The following CNTD1 variants were observed in gnomAD, a reference collection of about 807,000 sequenced individuals.
CNTD1 encodes the protein cyclin N-terminal domain containing 1.
Under a neutral mutation model 36.3 loss-of-function variants are expected in CNTD1, and 17 were observed. That is an observed-to-expected ratio of 0.47 (90% CI 0.32 to 0.70). The LOEUF is 0.70. CNTD1 is among the 30% of genes least tolerant of loss of function. CNTD1 has a pLI of 0.03. For synonymous variants in CNTD1, 128 were observed against 153.3 expected, an observed-to-expected ratio of 0.83 and a Z score of 1.22; for missense variants, 338 against 386.1, an observed-to-expected ratio of 0.88 and a Z score of 1.04.
Position 42,811,571 on chromosome 17 carries a change from C to G in CNTD1, c.*2036C>G. On this transcript the variant is annotated 3_prime_UTR_variant, in exon 7 of 7. Transcript: ENST00000588408. ...TTTTTTTGCTTTCCCACCATTTATA[C>G]TGTTTTGCCTCCATTATTACTGCTG... The G allele has an allele frequency of 6.6e-7, 1 of 1,520,652 alleles. No homozygotes were observed. Among genetic ancestry groups the G allele is most frequent in the Non-Finnish European group, 8.8e-7 (1 of 1,130,488 alleles). 94.2% of individuals were successfully genotyped at this position (1,520,652 alleles called of 1,614,324 possible).
At chr17:42,801,510 A>AAAAATAT (rs1289580717) in intron 1 of CNTD1, among the ~76,000 whole-genome samples, 13 of 54,354 alleles carry the variant, frequency 2.4e-4, no homozygotes, top group Non-Finnish European at 3.5e-4. Context: ...AAAAAAAAAA[A>AAAAATAT]ATATATATAT....
rs757267570 is a variant in CNTD1 at position 42,799,080 on chromosome 17, A to C, written c.13A>C (p.Met5Leu). MDGP[M>L]RPRSASLVDF... ...GAGGCTCGTGAATATGGACGGACCC[A>C]TGAGGCCACGATCGGCCTCCCTCGT... The change falls in exon 1 of 7, where the codon ATG becomes CTG. Residue 5 changes from methionine to leucine, a missense_variant. Coordinates refer to ENST00000588408, the MANE Select transcript of CNTD1 (RefSeq NM_173478.3). 13 of 1,613,824 alleles carry C rather than the reference A, an allele frequency of 8.1e-6. No homozygotes were observed. The highest frequency in any genetic ancestry group is 1.3e-5 in the African/African-American group (1 of 74,902).
Position 42,799,203 on chromosome 17 carries a change from C to T in CNTD1, c.136C>T (p.Arg46Trp), listed in dbSNP as rs766100218. Residue 46 changes from arginine (R) to tryptophan (W), a missense_variant, in exon 1 of 7, where the codon CGG (arginine) becomes TGG (tryptophan). Arg to Trp is a moderately radical substitution (Grantham distance 101). Transcript: ENST00000588408. The part of the protein sequence containing the change: ...NEQAVREASG[R>W]LGRFREPQIV... ...GCAAGCAGTGAGGGAGGCTTCGGGG[C>T]GGCTGGGCCGCTTCAGGGAGCCCCA... is the stretch of plus-strand genomic sequence containing the variant. 26 of 1,613,750 alleles carry T rather than the reference C, an allele frequency of 1.6e-5. No individual in the cohort carries two copies. The highest frequency in any genetic ancestry group is 6.6e-5 in the South Asian group (6 of 91,068).
At position 42,810,670 on chromosome 17, in the gene CNTD1, T is replaced by C; in HGVS notation, c.*1135T>C. 1.4e-6 allele frequency: 2 copies of C among 1,401,408 alleles called. No homozygotes were observed. Among genetic ancestry groups the C allele is most frequent in the Non-Finnish European group, 1.9e-6 (2 of 1,036,628 alleles). The allele number at this position is 1,401,408 out of a possible 1,614,324, so 86.8% of individuals were successfully genotyped here. A position where few individuals can be genotyped will look rare whatever the true frequency, so the allele number is the denominator to read the frequency against. ...TTTTTGGTATTGTAAACATGTACTG[T>C]TTAATATTACCCGAATTTAATTTAA... On this transcript the variant is annotated 3_prime_UTR_variant, in exon 7 of 7. Coordinates refer to ENST00000588408, the MANE Select transcript of CNTD1 (RefSeq NM_173478.3).
chr17:42,808,111 TA>T (rs1261607914), intron 6 of CNTD1, among the ~76,000 whole-genome samples: 1 of 152,180 alleles, frequency 6.6e-6, no homozygotes, highest in African/African-American at 2.4e-5. Flanking sequence ...GATAACCTGC[TA>T]TTATGTTAAA....
Position 42,810,914 on chromosome 17 carries a change from T to C in CNTD1, c.*1379T>C, listed in dbSNP as rs749899706. 6.2e-7 allele frequency: 1 copy of C among 1,609,980 alleles called. No individual in the cohort carries two copies. Among genetic ancestry groups the C allele is most frequent in the Non-Finnish European group, 8.5e-7 (1 of 1,178,350 alleles). On this transcript the variant is annotated 3_prime_UTR_variant, in exon 7 of 7. Coordinates refer to ENST00000588408, the MANE Select transcript of CNTD1 (RefSeq NM_173478.3). ...GCCTCCTGTGTCTTCAATCTTGCCTTTCTCCACATCCATCCTGCAGATGGA... is the reference window on the plus strand; with the variant it reads ...GCCTCCTGTGTCTTCAATCTTGCCTCTCTCCACATCCATCCTGCAGATGGA...
intron 1 of CNTD1, 30 bp from the exon 2 acceptor site, chr17:42,803,590 G>A: frequency 6.3e-6 from 10 of 1,596,336 alleles, no homozygotes; most frequent in Non-Finnish European, 8.6e-6. Flanking sequence ...TGCATCTTGT[G>A]AATTAGGCTC....
chr17:42,809,568 T>C lies in CNTD1; in HGVS notation c.*33T>C, dbSNP rs2054950165. ...TGAATCCACCAAATATAAACAGCCA[T>C]CCGTCACTGCACTCATGCCTCCCTC... On this transcript the variant is annotated 3_prime_UTR_variant, in exon 7 of 7. Transcript: ENST00000588408. The C allele has an allele frequency of 2.5e-6, 4 of 1,598,450 alleles. No homozygotes were observed. Among genetic ancestry groups the C allele is most frequent in the Non-Finnish European group, 3.4e-6 (4 of 1,166,734 alleles).
Position 42,807,748 on chromosome 17 carries a change from A to G in CNTD1, c.726-20A>G, listed in dbSNP as rs768272147. ...AAGTTCCATTCTAGCTTTAAAATTA[A>G]TGTGGTTTTAATCACTCAGGGAAAA... On this transcript the variant is annotated intron_variant, in intron 5 of 6. Transcript: ENST00000588408. The G allele has an allele frequency of 1.3e-6, 2 of 1,544,026 alleles. No homozygotes were observed. Among genetic ancestry groups the G allele is most frequent in the Admixed American group, 3.3e-5 (2 of 59,920 alleles).
chr17:42,809,338 A>G (rs760444817), intron 6 of CNTD1, 27 bp from the exon 7 acceptor site: 2 of 1,580,838 alleles, frequency 1.3e-6, no homozygotes, highest in Non-Finnish European at 8.6e-7. Context: ...TTTTTTAGTA[A>G]TAAGAAATCT....
chr17:42,809,575 C>T lies in CNTD1; in HGVS notation c.*40C>T, dbSNP rs1675059685. The T allele has an allele frequency of 1.3e-6, 2 of 1,568,174 alleles. No individual in the cohort carries two copies. The highest frequency in any genetic ancestry group is 1.7e-5 in the Admixed American group (1 of 59,020). ...ACCAAATATAAACAGCCATCCGTCA[C>T]TGCACTCATGCCTCCCTCTGTTTAC... On this transcript the variant is annotated 3_prime_UTR_variant, in exon 7 of 7. Transcript: ENST00000588408.
In CNTD1 at chr17:42,809,694, A is replaced by G; in HGVS notation, c.*159A>G. 1.6e-6 allele frequency: 1 copy of G among 639,194 alleles called. No individual in the cohort carries two copies. Among genetic ancestry groups the G allele is most frequent in the Non-Finnish European group, 2.6e-6 (1 of 387,208 alleles). The allele number at this position is 639,194 out of a possible 1,614,324, so 39.6% of individuals were successfully genotyped here. On this transcript the variant is annotated 3_prime_UTR_variant, in exon 7 of 7. Transcript: ENST00000588408. ...ATTTTTCCTTTATCAGAGAGAGTTA[A>G]GGTGGACGAGCATGCCCTTTTTGTC...
At chr17:42,806,884 T>A in intron 5 of CNTD1, 66 bp downstream of exon 5, 1 of 1,510,234 alleles carries the variant, frequency 6.6e-7, no homozygotes, top group Non-Finnish European at 9.1e-7. Context: ...CCACAAGAAC[T>A]TGGGGAATGG....
rs776683653 is a variant in CNTD1, at chr17:42,805,688, A to G, written c.418-34A>G. ...TGTCAAGACGTATGAACTTTATCCT[A>G]ACATTCTTCTTTCCCTCTCTTTTCT... is the stretch of plus-strand genomic sequence containing the variant. On this transcript the variant is annotated intron_variant, in intron 3 of 6. Transcript: ENST00000588408. 5.0e-6 allele frequency: 8 copies of G among 1,585,922 alleles called. No individual in the cohort carries two copies. The African/African-American group carries it at 1.1e-4, about 22-fold the overall frequency.
intron 1 of CNTD1, among the ~76,000 whole-genome samples, 181 bp downstream of exon 1, chr17:42,799,417 G>A (rs1470468664): frequency 2.6e-5 from 4 of 151,996 alleles, no homozygotes; most frequent in Non-Finnish European, 4.4e-5. Context: ...TGATTTCTTC[G>A]ACATGTATGG....
In CNTD1 at chr17:42,809,803, C is replaced by A; in HGVS notation, c.*268C>A. 1 of 328,636 alleles carries A rather than the reference C, an allele frequency of 3.0e-6. No homozygotes were observed. Among genetic ancestry groups the A allele is most frequent in the East Asian group, 5.9e-5 (1 of 16,982 alleles). 20.4% of individuals were successfully genotyped at this position (328,636 alleles called of 1,614,324 possible). A position where few individuals can be genotyped will look rare whatever the true frequency, so the allele number is the denominator to read the frequency against. On this transcript the variant is annotated 3_prime_UTR_variant, in exon 7 of 7. Coordinates refer to ENST00000588408, the MANE Select transcript of CNTD1 (RefSeq NM_173478.3). Reference sequence around the variant, plus strand: ...TTTAACAAGGTATTTATACTTTTAGCTTAATTTCATTAAGAGGAACATCAG... The same window carrying A: ...TTTAACAAGGTATTTATACTTTTAGATTAATTTCATTAAGAGGAACATCAG...
intron 5 of CNTD1, 48 bp from the exon 6 acceptor site, chr17:42,807,720 A>G (rs781439522): frequency 7.6e-7 from 1 of 1,318,936 alleles, no homozygotes. Context: ...GATTTGGAAG[A>G]TCAAGTTCCA....
At chr17:42,806,963 A>G in intron 5 of CNTD1, 145 bp downstream of exon 5, 1 of 679,208 alleles carries the variant, frequency 1.5e-6, no homozygotes, top group Non-Finnish European at 2.4e-6. Context: ...TAGTTCCAAT[A>G]TGTTGTTTGG....
intron 1 of CNTD1, among the ~76,000 whole-genome samples, chr17:42,800,582 G>A (rs2054763073): frequency 6.6e-6 from 1 of 152,152 alleles, no homozygotes; most frequent in African/African-American, 2.4e-5. Context: ...TTTTAAATAA[G>A]GGAGTGAAGG....
Sources: gnomAD v4.1 joint callset for allele counts (sites outside exome capture counted in the v4.1 genomes callset) on GRCh38, gnomAD v4.1.1 for gene constraint, MANE v1.5 for transcripts, NCBI Gene and HGNC (gene_info 2026-07-23, HGNC 2026-07-21) for gene names.